Variants in SORCS3 observed in about 807,000 individuals in gnomAD.
SORCS3 encodes VPS10 domain-containing receptor SorCS3.
In SORCS3, 57 loss-of-function variants were observed where a neutral mutation model predicts 146.3. The observed-to-expected ratio is 0.39, with a 90% CI of 0.31 to 0.49. The LOEUF (loss-of-function observed/expected upper bound fraction) is 0.49, where lower values mean the gene tolerates loss of function less well. SORCS3 is among the 20% of genes least tolerant of loss of function. The probability of loss-of-function intolerance (pLI) is 0.92; values close to 1 mark genes in which losing one functional copy is unlikely to be tolerated. For synonymous variants in SORCS3, 653 were observed against 618.5 expected (o/e 1.06, Z -0.83); for missense variants, 1,341 against 1,575.5 (o/e 0.85, Z 2.52).
In SORCS3 at chr10:105,116,778, A is replaced by G. The variant is rs1005276108; in HGVS notation, c.1212+11263A>G. ...AGGCCATTATCCTAAGCAAACTAAC[A>G]CGGAAATAGAAAACCATATACCTCA... On this transcript the variant is annotated intron_variant, in intron 7 of 26. Transcript: ENST00000369701. Among the ~76,000 whole-genome samples the G allele has an allele frequency of 3.3e-5, 5 of 152,102 alleles. No homozygotes were observed. The East Asian group carries it at 9.7e-4, about 29-fold the overall frequency.
rs34314523 is a variant in SORCS3, at chr10:105,030,595, C to CTTT, written c.955-12448_955-12446dup. 1.7e-3 allele frequency among the ~76,000 whole-genome samples: 240 copies of CTTT among 144,164 alleles called. 1 individual carries two copies. Among genetic ancestry groups the CTTT allele is most frequent in the African/African-American group, 5.1e-3 (202 of 39,506 alleles). 94.6% of individuals were successfully genotyped at this position (144,164 alleles called of 152,430 possible). On this transcript the variant is annotated intron_variant, in intron 4 of 26. Coordinates refer to ENST00000369701, the MANE Select transcript of SORCS3 (RefSeq NM_014978.3). ...CTCTCCAAAGAAGATGCTGAAGATC[C>CTTT]TTTTTTTTTTTTTTGAGACAGAGCT...
chr10:104,666,919 C>T (rs772289463), intron 1 of SORCS3, among the ~76,000 whole-genome samples: 63 of 151,902 alleles, frequency 4.1e-4, no homozygotes, highest in Admixed American at 6.6e-4. Flanking sequence ...TAAGGTAACA[C>T]GGCTAGAAAA....
intron 2 of SORCS3, among the ~76,000 whole-genome samples, chr10:104,913,203 A>G (rs2018988068): frequency 6.6e-6 from 1 of 152,168 alleles, no homozygotes; most frequent in Non-Finnish European, 1.5e-5. Flanking sequence ...GGGTAGAAAA[A>G]TAGCCTGGTA....
intron 1 of SORCS3, among the ~76,000 whole-genome samples, chr10:104,671,276 G>GT (rs36137443): frequency 0.16 from 14,323 of 89,634 alleles, 804 homozygotes; most frequent in Admixed American, 0.2. Context: ...TTAACTGTGT[G>GT]TTTTTTTTTA....
At chr10:104,990,934 T>A (rs1232193649) in intron 4 of SORCS3, among the ~76,000 whole-genome samples, 4 of 152,208 alleles carry the variant, frequency 2.6e-5, no homozygotes, top group Admixed American at 6.5e-5. Context: ...CTGTGTTGTC[T>A]TAACCACTAA....
At chr10:105,214,925 A>G (rs1564786719) in intron 18 of SORCS3, among the ~76,000 whole-genome samples, 1 of 152,244 alleles carries the variant, frequency 6.6e-6, no homozygotes, top group Non-Finnish European at 1.5e-5. Context: ...CCATAAGACC[A>G]TAAACTGTAA....
chr10:105,103,546 A>C (rs543229598), intron 6 of SORCS3, among the ~76,000 whole-genome samples: 2 of 152,190 alleles, frequency 1.3e-5, no homozygotes, highest in Non-Finnish European at 2.9e-5. Flanking sequence ...GATGACAAGA[A>C]AGTGTCCCAG....
chr10:104,724,186 C>T (rs1400034925), intron 1 of SORCS3, among the ~76,000 whole-genome samples: 1 of 152,040 alleles, frequency 6.6e-6, no homozygotes, highest in Non-Finnish European at 1.5e-5. Context: ...GACAAAATCT[C>T]TCAGCATTTG....
chr10:104,700,424 C>G (rs1012240943), intron 1 of SORCS3, among the ~76,000 whole-genome samples: 2 of 152,064 alleles, frequency 1.3e-5, no homozygotes, highest in African/African-American at 4.8e-5. Flanking sequence ...AACGTGTGTT[C>G]TGGCAATTTA....
chr10:105,075,735 C>A (rs1053159865), intron 5 of SORCS3, among the ~76,000 whole-genome samples: 6 of 152,108 alleles, frequency 3.9e-5, no homozygotes, highest in Admixed American at 1.3e-4. Flanking sequence ...TCATAATGCC[C>A]CCTTCCTCCT....
intron 1 of SORCS3, among the ~76,000 whole-genome samples, chr10:104,711,487 T>A (rs1189532711): frequency 1.3e-5 from 2 of 152,216 alleles, no homozygotes; most frequent in African/African-American, 4.8e-5. Context: ...AGCTGCAGAA[T>A]CCAGAATCTA....
intron 1 of SORCS3, among the ~76,000 whole-genome samples, chr10:104,797,477 A>G (rs1181508026): frequency 1.3e-5 from 2 of 152,058 alleles, no homozygotes; most frequent in African/African-American, 4.8e-5. Flanking sequence ...GAGAGTAGCA[A>G]AACCTTGAAT....
At chr10:104,755,989 G>A (rs1439738561) in intron 1 of SORCS3, among the ~76,000 whole-genome samples, 1 of 152,134 alleles carries the variant, frequency 6.6e-6, no homozygotes, top group African/African-American at 2.4e-5. Flanking sequence ...TGTCTGGAAT[G>A]AGGCAGTGGG....
chr10:104,753,607 G>T (rs1229994825), intron 1 of SORCS3, among the ~76,000 whole-genome samples: 1 of 152,204 alleles, frequency 6.6e-6, no homozygotes. Context: ...TAATAGAAGT[G>T]TAAGGATCCT....
At chr10:104,940,232 A>C (rs1589558193) in intron 3 of SORCS3, among the ~76,000 whole-genome samples, 1 of 22,448 alleles carries the variant, frequency 4.5e-5, no homozygotes, top group Non-Finnish European at 8.7e-5. Flanking sequence ...ATATATATAT[A>C]TATATATTTT....
chr10:105,240,317 TG>T (rs2056815076), intron 20 of SORCS3, among the ~76,000 whole-genome samples: 1 of 152,098 alleles, frequency 6.6e-6, no homozygotes, highest in Non-Finnish European at 1.5e-5. Context: ...GAAGATGAGC[TG>T]GAAGTAGTGA....
intron 4 of SORCS3, among the ~76,000 whole-genome samples, chr10:104,983,098 C>G (rs923046015): frequency 6.6e-6 from 1 of 152,036 alleles, no homozygotes; most frequent in Non-Finnish European, 1.5e-5. Context: ...CTCCTCGATT[C>G]AAGCGATTCT....
chr10:105,101,016 T>C (rs557080687), intron 6 of SORCS3, among the ~76,000 whole-genome samples: 1 of 152,332 alleles, frequency 6.6e-6, no homozygotes, highest in African/African-American at 2.4e-5. Context: ...CTTTCTAGCT[T>C]CGGAGTCCTT....
At chr10:104,648,780 T>C (rs945014641) in intron 1 of SORCS3, among the ~76,000 whole-genome samples, 1 of 152,236 alleles carries the variant, frequency 6.6e-6, no homozygotes, top group African/African-American at 2.4e-5. Context: ...AGTACACTAA[T>C]AAATGTTCTA....
Sources: gnomAD v4.1 joint callset for allele counts (sites outside exome capture counted in the v4.1 genomes callset) on GRCh38, gnomAD v4.1.1 for gene constraint, MANE v1.5 for transcripts, NCBI Gene and HGNC (gene_info 2026-07-23, HGNC 2026-07-21) for gene names.